Variants in CACNA1C observed in about 807,000 individuals in gnomAD.
CACNA1C encodes calcium voltage-gated channel subunit alpha1 C.
In CACNA1C, 30 loss-of-function variants were observed where a neutral mutation model predicts 229.0. That is an observed-to-expected ratio of 0.13 (90% CI 0.10 to 0.18). The LOEUF is 0.18. Among genes scored for constraint, CACNA1C ranks in the 10% least tolerant of loss-of-function variants. CACNA1C has a pLI of 1.00. For missense variants in CACNA1C, 1,658 were observed against 2,845.0 expected, an observed-to-expected ratio of 0.58 and a Z score of 9.49; for synonymous variants, 1,114 against 1,132.5, an observed-to-expected ratio of 0.98 and a Z score of 0.33.
chr12:2,119,424 C>T (rs2085485585), intron 2 of CACNA1C, among the ~76,000 whole-genome samples: 1 of 152,204 alleles, frequency 6.6e-6, no homozygotes, highest in Non-Finnish European at 1.5e-5. Context: ...CCTTGCTGGC[C>T]TTCCATGGAG....
At chr12:2,415,011 C>T (rs889240998) in intron 3 of CACNA1C, among the ~76,000 whole-genome samples, 5 of 152,208 alleles carry the variant, frequency 3.3e-5, no homozygotes, top group African/African-American at 7.2e-5. Flanking sequence ...GCACCCGACA[C>T]GGTCTGTGTG....
chr12:1,979,864 G>A (rs1050220227), intron 1 of CACNA1C, among the ~76,000 whole-genome samples: 3 of 152,050 alleles, frequency 2.0e-5, no homozygotes, highest in Non-Finnish European at 2.9e-5. Flanking sequence ...TGTCCAATAA[G>A]CATATGAAGA....
At chr12:2,356,697 G>T (rs142426636) in intron 3 of CACNA1C, among the ~76,000 whole-genome samples, 1 of 152,230 alleles carries the variant, frequency 6.6e-6, no homozygotes, top group Non-Finnish European at 1.5e-5. Flanking sequence ...CTGACCTGTG[G>T]GCTTGCCCTC....
At chr12:2,610,759 A>C in intron 28 of CACNA1C, 60 bp downstream of exon 28, 1 of 1,577,642 alleles carries the variant, frequency 6.3e-7, no homozygotes, top group Non-Finnish European at 8.7e-7. Flanking sequence ...ATGGGGATGG[A>C]AAGTGTAACG....
chr12:2,264,460 A>G (rs1471712726), intron 3 of CACNA1C, among the ~76,000 whole-genome samples: 2 of 152,210 alleles, frequency 1.3e-5, no homozygotes, highest in East Asian at 3.9e-4. Flanking sequence ...GGGGGAACTG[A>G]GGTCCAGGGA....
intron 1 of CACNA1C, among the ~76,000 whole-genome samples, chr12:2,040,353 G>A (rs2049875915): frequency 6.6e-6 from 1 of 152,042 alleles, no homozygotes; most frequent in Non-Finnish European, 1.5e-5. Context: ...AGAAGTGACA[G>A]CAAATAATGT....
At chr12:2,583,159 C>G (rs1182910656) in intron 15 of CACNA1C, among the ~76,000 whole-genome samples, 2 of 152,206 alleles carry the variant, frequency 1.3e-5, no homozygotes, top group Non-Finnish European at 2.9e-5. Context: ...GCAGCGGCGC[C>G]GCGCTCCGGG....
At chr12:2,327,392 G>A (rs1180728183) in intron 3 of CACNA1C, among the ~76,000 whole-genome samples, 1 of 152,248 alleles carries the variant, frequency 6.6e-6, no homozygotes, top group Non-Finnish European at 1.5e-5. Context: ...GCAAGTGGTT[G>A]ATTAGGTTGC....
intron 8 of CACNA1C, among the ~76,000 whole-genome samples, chr12:2,509,032 A>G (rs981041940): frequency 1.3e-5 from 2 of 152,228 alleles, no homozygotes; most frequent in Non-Finnish European, 2.9e-5. Context: ...GTTTTAAGCG[A>G]CTGCAAACAG....
chr12:2,437,812 GGTGGTGGTGGTAA>G, intron 3 of CACNA1C, among the ~76,000 whole-genome samples: 1 of 150,968 alleles, frequency 6.6e-6, no homozygotes, highest in Non-Finnish European at 1.5e-5. Flanking sequence ...TGGTGATGAT[GGTGGTGGTGGTAA>G]TGGTGGTGGT....
intron 1 of CACNA1C, among the ~76,000 whole-genome samples, chr12:1,993,921 T>C (rs1449694183): frequency 6.6e-6 from 1 of 152,172 alleles, no homozygotes; most frequent in Non-Finnish European, 1.5e-5. Context: ...ACAATGAACT[T>C]GTGAGGACAC....
chr12:2,104,616 G>T (rs965238021), intron 1 of CACNA1C, among the ~76,000 whole-genome samples: 1 of 152,168 alleles, frequency 6.6e-6, no homozygotes, highest in Non-Finnish European at 1.5e-5. Context: ...TGTTGAATAG[G>T]AGTGGTGAGA....
intron 3 of CACNA1C, among the ~76,000 whole-genome samples, chr12:2,326,148 G>A (rs1567065735): frequency 6.6e-6 from 1 of 152,106 alleles, no homozygotes. Flanking sequence ...AAAGGAGGCA[G>A]GGAGAGAAAA....
rs1260547399 is a variant in CACNA1C at position 2,053,850 on chromosome 12, A to G, written c.49+239A>G. 6.7e-6 allele frequency among the ~76,000 whole-genome samples: 1 copy of G among 149,030 alleles called. No homozygotes were observed. Among genetic ancestry groups the G allele is most frequent in the Admixed American group, 6.6e-5 (1 of 15,070 alleles). Reference sequence around the variant, plus strand: ...TCCCCCTCCGGGCCCCAGCTTCTCCAGAGCATGTGTTTCCTGTGAAATTCC... The same window carrying G: ...TCCCCCTCCGGGCCCCAGCTTCTCCGGAGCATGTGTTTCCTGTGAAATTCC... On this transcript the variant is annotated intron_variant, in intron 1 of 46. Transcript: ENST00000399655. This position sits in a 1 kb window ranked among gnomAD's most constrained non-coding sequence, Gnocchi z 5.8.
In CACNA1C at chr12:2,649,242, G is replaced by A. The variant is rs1280744130; in HGVS notation, c.3945+735G>A. Among the ~76,000 whole-genome samples, 1 of 152,240 alleles carries A rather than the reference G, an allele frequency of 6.6e-6. No individual in the cohort carries two copies. On this transcript the variant is annotated intron_variant, in intron 31 of 46. Coordinates refer to ENST00000399655, the MANE Select transcript of CACNA1C (RefSeq NM_000719.7). This position sits in a 1 kb window ranked among gnomAD's most constrained non-coding sequence, Gnocchi z 4.4. ...GAAGTGATAAAAGAGACGCCATTCA[G>A]TGTGACCTTGAAGCCTCCTTGGCCC... is the stretch of plus-strand genomic sequence containing the variant.
chr12:2,055,391 G>C (rs947041472), intron 1 of CACNA1C, among the ~76,000 whole-genome samples: 1 of 152,346 alleles, frequency 6.6e-6, no homozygotes, highest in Middle Eastern at 3.4e-3. Flanking sequence ...AAGTATCACT[G>C]TCAATGGCAA....
rs1210712672 is a variant in CACNA1C, at chr12:2,661,280, T to TACAC, written c.4233-3513_4233-3510dup. On this transcript the variant is annotated intron_variant, in intron 34 of 46. Transcript: ENST00000399655. ...CCATCTCTAAACACATACACACACA[T>TACAC]ACACACACACACACACACACACACA... 6.9e-3 allele frequency among the ~76,000 whole-genome samples: 847 copies of TACAC among 123,456 alleles called. 7 individuals are homozygous for TACAC. Among genetic ancestry groups the TACAC allele is most frequent in the African/African-American group, 0.022 (686 of 31,208 alleles). The allele number at this position is 123,456 out of a possible 152,430, so 81.0% of individuals were successfully genotyped here.
chr12:1,996,634 AAAAAAAAAAAAAAAAAAAAAAC>A lies in CACNA1C; in HGVS notation c.139+25436_139+25457del, dbSNP rs1374010406. Among the ~76,000 whole-genome samples the A allele has an allele frequency of 3.2e-4, 39 of 122,512 alleles. 1 individual carries two copies. The highest frequency in any genetic ancestry group is 1.1e-3 in the African/African-American group (32 of 29,246). The allele number at this position is 122,512 out of a possible 152,430, so 80.4% of individuals were successfully genotyped here. ...GATGAGCTAAAAAAAAAAAAAAAAAAAAAAAAAAAAAAAAAAAAAAACAACAAACTCTTCTAATGTTTTAAAG... is the reference window on the plus strand; with the variant it reads ...GATGAGCTAAAAAAAAAAAAAAAAAAAACAAACTCTTCTAATGTTTTAAAG... On this transcript the variant is annotated intron_variant, in intron 1 of 46. Transcript: ENST00000682462.
chr12:2,407,898 T>C (rs1410174066), intron 3 of CACNA1C, among the ~76,000 whole-genome samples: 7 of 152,210 alleles, frequency 4.6e-5, no homozygotes, highest in African/African-American at 1.7e-4. Context: ...AGACAGAAAA[T>C]GTTAGACAAT....
Sources: allele counts gnomAD v4.1 joint callset (sites outside exome capture counted in the v4.1 genomes callset), GRCh38; gene constraint gnomAD v4.1.1; non-coding constraint Gnocchi (gnomAD v3.1); transcripts MANE v1.5; gene names NCBI Gene and HGNC (gene_info 2026-07-23, HGNC 2026-07-21).